Variants in DAB1 observed in about 807,000 individuals in gnomAD.
DAB1 encodes disabled homolog 1.
DAB1 carries 15 observed loss-of-function variants against 64.6 expected under a neutral mutation model. The ratio of observed to expected loss-of-function variants is 0.23; its 90% CI spans 0.16 to 0.36. DAB1 has a LOEUF of 0.36. DAB1 is among the 10% of genes least tolerant of loss of function. DAB1 has a pLI of 1.00. For synonymous variants in DAB1, 235 were observed against 251.9 expected (o/e 0.93, Z 0.64); for missense variants, 596 against 706.7 (o/e 0.84, Z 1.78).
intron 7 of DAB1, among the ~76,000 whole-genome samples, chr1:57,592,794 T>G (rs1396234125): frequency 6.6e-6 from 1 of 152,222 alleles, no homozygotes; most frequent in African/African-American, 2.4e-5. Context: ...GCAGTGTTAG[T>G]GTCTGGTGAG....
intron 5 of DAB1, among the ~76,000 whole-genome samples, chr1:58,117,389 G>A (rs1260711764): frequency 6.6e-6 from 1 of 152,206 alleles, no homozygotes; most frequent in East Asian, 1.9e-4. Flanking sequence ...AAAAGCTTAA[G>A]TGATATGATA....
At chr1:58,389,991 C>T (rs953957383) in intron 3 of DAB1, among the ~76,000 whole-genome samples, 6 of 152,084 alleles carry the variant, frequency 3.9e-5, no homozygotes, top group African/African-American at 1.4e-4. Flanking sequence ...GTTCAAAATC[C>T]TACATAGCTC....
intron 6 of DAB1, among the ~76,000 whole-genome samples, chr1:57,802,191 T>G (rs1487341419): frequency 6.6e-6 from 1 of 152,238 alleles, no homozygotes; most frequent in Non-Finnish European, 1.5e-5. Flanking sequence ...GAGAACAACT[T>G]TCTCTGCTTC....
chr1:57,914,602 A>G (rs1057413823), intron 5 of DAB1, among the ~76,000 whole-genome samples: 9 of 152,238 alleles, frequency 5.9e-5, no homozygotes, highest in Admixed American at 3.3e-4. Flanking sequence ...TATGCCTGCA[A>G]GAGATAGATT....
upstream of DAB1, among the ~76,000 whole-genome samples, chr1:57,888,068 T>C (rs1445701062): frequency 6.6e-6 from 1 of 152,176 alleles, no homozygotes; most frequent in Non-Finnish European, 1.5e-5. Flanking sequence ...GCCTGCTGAA[T>C]GGCATTCAGC....
intron 5 of DAB1, among the ~76,000 whole-genome samples, chr1:57,961,354 A>C (rs1025251099): frequency 2.0e-5 from 3 of 152,154 alleles, no homozygotes; most frequent in African/African-American, 7.2e-5. Flanking sequence ...CTTAACCTCT[A>C]AACTTTTCAA....
intron 3 of DAB1, among the ~76,000 whole-genome samples, chr1:57,143,000 C>A (rs933679786): frequency 1.3e-5 from 2 of 152,190 alleles, no homozygotes; most frequent in Non-Finnish European, 2.9e-5. Flanking sequence ...CCCTTATCCC[C>A]ATCTTTGACT....
intron 3 of DAB1, among the ~76,000 whole-genome samples, chr1:58,403,771 C>G (rs1265118208): frequency 6.6e-6 from 1 of 152,188 alleles, no homozygotes; most frequent in Admixed American, 6.5e-5. Context: ...CATGCCGCTA[C>G]CTTCCCATCC....
chr1:57,426,875 T>TATATATATATATATATATATA (rs1553180831), upstream of DAB1, among the ~76,000 whole-genome samples: 25 of 130,002 alleles, frequency 1.9e-4, no homozygotes, highest in Admixed American at 2.9e-4. Context: ...TATATATATA[T>TATATATATATATATATATATA]TTTTTTGAGA....
intron 3 of DAB1, among the ~76,000 whole-genome samples, chr1:58,502,091 T>C (rs1306814184): frequency 6.6e-6 from 1 of 152,222 alleles, no homozygotes; most frequent in Non-Finnish European, 1.5e-5. Context: ...AGTGTAAATT[T>C]AAAACATTTT....
chr1:57,920,272 C>A (rs1364451226), intron 5 of DAB1, among the ~76,000 whole-genome samples: 7 of 152,092 alleles, frequency 4.6e-5, no homozygotes, highest in Admixed American at 1.3e-4. Context: ...GAACAGGGAG[C>A]CTGCTCTGTA....
At chr1:57,592,192 A>G (rs1645453242) in intron 7 of DAB1, among the ~76,000 whole-genome samples, 1 of 152,184 alleles carries the variant, frequency 6.6e-6, no homozygotes, top group African/African-American at 2.4e-5. Context: ...AAGGACTCTG[A>G]GGAGAAAGAG....
chr1:58,117,543 A>C (rs928088492), intron 5 of DAB1, among the ~76,000 whole-genome samples: 25 of 152,222 alleles, frequency 1.6e-4, no homozygotes, highest in African/African-American at 5.8e-4. Context: ...CCTCTTTCCC[A>C]AATGATCTGA....
chr1:57,185,173 G>A (rs1224321024), intron 2 of DAB1, among the ~76,000 whole-genome samples: 1 of 152,060 alleles, frequency 6.6e-6, no homozygotes, highest in East Asian at 1.9e-4. Flanking sequence ...CATTTCTTCA[G>A]GGAAGTCTTC....
intron 5 of DAB1, among the ~76,000 whole-genome samples, chr1:57,994,070 G>A (rs1394928138): frequency 6.6e-6 from 1 of 152,174 alleles, no homozygotes; most frequent in Non-Finnish European, 1.5e-5. Flanking sequence ...TTTAATTCCA[G>A]GTGTGAACTA....
At chr1:57,639,231 C>T (rs1168321453) in intron 7 of DAB1, among the ~76,000 whole-genome samples, 5 of 138,838 alleles carry the variant, frequency 3.6e-5, no homozygotes, top group Non-Finnish European at 6.3e-5. Context: ...TTATAAAGTT[C>T]TTCATAAAGA....
chr1:58,382,716 A>G (rs146811232), intron 3 of DAB1, among the ~76,000 whole-genome samples: 24 of 152,366 alleles, frequency 1.6e-4, no homozygotes, highest in African/African-American at 5.3e-4. Flanking sequence ...AAATTTGGTT[A>G]TTGCTCATTT....
chr1:57,423,514 GTTTC>G (rs1685093438), intron 1 of DAB1, among the ~76,000 whole-genome samples: 1 of 152,066 alleles, frequency 6.6e-6, no homozygotes, highest in Non-Finnish European at 1.5e-5. Flanking sequence ...GAGGGAGGGA[GTTTC>G]GGGAGCCCAG....
At chr1:57,693,300 G>C (rs1481201924) in intron 6 of DAB1, among the ~76,000 whole-genome samples, 1 of 151,246 alleles carries the variant, frequency 6.6e-6, no homozygotes, top group Admixed American at 6.6e-5. Flanking sequence ...GGTGAAGCCA[G>C]CTGGCCTTAC....
Sources: allele counts gnomAD v4.1 joint callset (sites outside exome capture counted in the v4.1 genomes callset), GRCh38; gene constraint gnomAD v4.1.1; transcripts MANE v1.5; gene names NCBI Gene and HGNC (gene_info 2026-07-23, HGNC 2026-07-21).